PCBP3: variants seen among roughly 807,000 people sequenced by gnomAD.
The protein encoded by PCBP3 is poly(rC) binding protein 3, also known as poly(rC)-binding protein 3.
Under a neutral mutation model 52.7 loss-of-function variants are expected in PCBP3, and 25 were observed. The observed-to-expected ratio is 0.47, with a 90% CI of 0.35 to 0.66. The LOEUF is 0.66. Among genes scored for constraint, PCBP3 ranks in the 30% least tolerant of loss-of-function variants. PCBP3 has a pLI of 0.01. For synonymous variants in PCBP3, 162 were observed against 183.0 expected (o/e 0.89, Z 0.93); for missense variants, 391 against 490.3 (o/e 0.80, Z 1.91).
At chr21:45,927,647 A>G (rs187343982) in intron 13 of PCBP3, among the ~76,000 whole-genome samples, 3 of 151,846 alleles carry the variant, frequency 2.0e-5, no homozygotes, top group African/African-American at 7.2e-5. Flanking sequence ...CGTCCCCTAC[A>G]TTTGTAGGTG....
intron 4 of PCBP3, among the ~76,000 whole-genome samples, chr21:45,787,754 G>A (rs1196580768): frequency 6.6e-6 from 1 of 152,178 alleles, no homozygotes; most frequent in Non-Finnish European, 1.5e-5. Flanking sequence ...TGCTCCACTA[G>A]ACAGTAGAGT....
chr21:45,752,423 G>A (rs2087603821), intron 3 of PCBP3, among the ~76,000 whole-genome samples: 2 of 151,656 alleles, frequency 1.3e-5, no homozygotes, highest in Admixed American at 6.6e-5. Flanking sequence ...TAAAAATATA[G>A]ATCAGCGTTT....
chr21:45,671,447 A>G (rs2838973), intron 2 of PCBP3, among the ~76,000 whole-genome samples: 30,425 of 152,164 alleles, frequency 0.2, 3,325 homozygotes, highest in Middle Eastern at 0.34. Flanking sequence ...AGCCAATTGC[A>G]ATTTTTAAAA....
intron 3 of PCBP3, among the ~76,000 whole-genome samples, chr21:45,738,043 C>T (rs1352054179): frequency 6.6e-6 from 1 of 152,126 alleles, no homozygotes; most frequent in Admixed American, 6.5e-5. Context: ...GTGGTCCGTG[C>T]AGACCTCTCA....
At chr21:45,861,460 C>T (rs2094507387) in intron 5 of PCBP3, among the ~76,000 whole-genome samples, 2 of 152,320 alleles carry the variant, frequency 1.3e-5, no homozygotes, top group South Asian at 4.1e-4. Context: ...AGCCCCACCA[C>T]CCAAGCTTTA....
intron 1 of PCBP3, among the ~76,000 whole-genome samples, chr21:45,660,037 G>C (rs191433937): frequency 2.0e-5 from 3 of 151,938 alleles, no homozygotes; most frequent in Admixed American, 6.5e-5. Flanking sequence ...TATTGAAAAC[G>C]GACTTTTGAA....
chr21:45,725,558 G>A (rs1053734959), intron 2 of PCBP3, among the ~76,000 whole-genome samples: 2 of 152,216 alleles, frequency 1.3e-5, no homozygotes, highest in Admixed American at 1.3e-4. Context: ...TCTGCTGGGG[G>A]CCTGCCTCCA....
rs2086413373 is a variant in PCBP3 at position 45,741,084 on chromosome 21, C to T, written c.-162+5655C>T. Among the ~76,000 whole-genome samples the T allele has an allele frequency of 6.6e-6, 1 of 152,270 alleles. No individual in the cohort carries two copies. The highest frequency in any genetic ancestry group is 6.5e-5 in the Admixed American group (1 of 15,304). On this transcript the variant is annotated intron_variant, in intron 3 of 17. Coordinates refer to ENST00000681687, the MANE Select transcript of PCBP3 (RefSeq NM_001384156.1). This position sits in a 1 kb window ranked among gnomAD's most constrained non-coding sequence, Gnocchi z 4.5. ...CACTCCAGCTCCTCCTTATTTGGCC[C>T]CAGAGCACTGGGAACCTAGGAACAG...
At chr21:45,655,294 GCTGCAACATCTTCGGGAAACAA>G (rs1569080677) in intron 1 of PCBP3, among the ~76,000 whole-genome samples, 1 of 151,596 alleles carries the variant, frequency 6.6e-6, no homozygotes, top group Non-Finnish European at 1.5e-5. Flanking sequence ...TCCCGAAGAT[GCTGCAACATCTTCGGGAAACAA>G]TTTGGCAATG....
rs936273755 is a variant in PCBP3 at position 45,829,465 on chromosome 21, C to T, written c.-125-20496C>T. On this transcript the variant is annotated intron_variant, in intron 4 of 17. Transcript: ENST00000681687. The surrounding 1 kb of genome is among the most constrained non-coding windows in gnomAD (Gnocchi z 5.2). ...CTTTGGCATTCCTCCTCTCTCTCCTCGGCATTCCTTCTCTGGGCCTGGCTT... is the reference window on the plus strand; with the variant it reads ...CTTTGGCATTCCTCCTCTCTCTCCTTGGCATTCCTTCTCTGGGCCTGGCTT... The T allele has an allele frequency of 6.6e-5, 10 of 152,524 alleles. No individual in the cohort carries two copies. Among genetic ancestry groups the T allele is most frequent in the African/African-American group, 9.6e-5 (4 of 41,456 alleles). 9.4% of individuals were successfully genotyped at this position (152,524 alleles called of 1,614,324 possible). A position where few individuals can be genotyped will look rare whatever the true frequency, so the allele number is the denominator to read the frequency against.
At chr21:45,745,414 G>C (rs1393094459) in intron 3 of PCBP3, among the ~76,000 whole-genome samples, 1 of 152,164 alleles carries the variant, frequency 6.6e-6, no homozygotes, top group Non-Finnish European at 1.5e-5. Context: ...TGGGCTCTGT[G>C]AGGCCCTCCC....
chr21:45,711,698 A>G (rs2083851873), intron 2 of PCBP3, among the ~76,000 whole-genome samples: 1 of 152,180 alleles, frequency 6.6e-6, no homozygotes, highest in African/African-American at 2.4e-5. Flanking sequence ...CCCCTTTGTT[A>G]AGGTTGTTTA....
chr21:45,890,486 G>C (rs557937162), intron 5 of PCBP3, among the ~76,000 whole-genome samples: 23 of 151,940 alleles, frequency 1.5e-4, no homozygotes, highest in African/African-American at 4.8e-4. Flanking sequence ...GGGGAATGTA[G>C]ATAATAGAAC....
intron 11 of PCBP3, 185 bp downstream of exon 11, chr21:45,911,215 C>A: frequency 1.4e-6 from 1 of 696,886 alleles, no homozygotes; most frequent in Non-Finnish European, 2.6e-6. Flanking sequence ...GGTGCTGGGG[C>A]TGCCAGCTCA....
chr21:45,793,383 C>T (rs1213653796), intron 4 of PCBP3, among the ~76,000 whole-genome samples: 1 of 151,982 alleles, frequency 6.6e-6, no homozygotes, highest in East Asian at 1.9e-4. Flanking sequence ...GAGTCCAGGA[C>T]TCGCTGATGC....
At chr21:45,645,170 A>G (rs1022489989) in intron 1 of PCBP3, among the ~76,000 whole-genome samples, 8 of 152,226 alleles carry the variant, frequency 5.3e-5, no homozygotes, top group African/African-American at 1.9e-4. Context: ...GAGATCTGTC[A>G]GAAAACATGG....
intron 2 of PCBP3, among the ~76,000 whole-genome samples, chr21:45,708,111 C>G (rs2083575098): frequency 1.3e-5 from 2 of 152,154 alleles, no homozygotes; most frequent in Admixed American, 6.5e-5. Context: ...TACCCTACTT[C>G]CCTCCTTCCT....
chr21:45,850,541 G>A (rs16978629), intron 5 of PCBP3, among the ~76,000 whole-genome samples: 4,889 of 152,262 alleles, frequency 0.032, 162 homozygotes, highest in African/African-American at 0.077. Flanking sequence ...CATTAGTGCC[G>A]TGGCTTGAGC....
chr21:45,662,683 T>C (rs895694854), intron 1 of PCBP3, among the ~76,000 whole-genome samples: 2 of 152,110 alleles, frequency 1.3e-5, no homozygotes, highest in Admixed American at 6.6e-5. Flanking sequence ...TCTACAATCA[T>C]AACCTAGAAA....
Sources: allele counts gnomAD v4.1 joint callset (sites outside exome capture counted in the v4.1 genomes callset), GRCh38; gene constraint gnomAD v4.1.1; non-coding constraint Gnocchi (gnomAD v3.1); transcripts MANE v1.5; gene names NCBI Gene and HGNC (gene_info 2026-07-23, HGNC 2026-07-21).